ZSWIM5: variants seen among roughly 807,000 people sequenced by gnomAD.
ZSWIM5 encodes zinc finger SWIM domain-containing protein 5.
A neutral mutation model predicts 119.6 loss-of-function variants in ZSWIM5; 55 were observed. That is an observed-to-expected ratio of 0.46 (90% CI 0.37 to 0.58). ZSWIM5 has a LOEUF of 0.58. Among genes scored for constraint, ZSWIM5 ranks in the 20% least tolerant of loss-of-function variants. The pLI, the probability that ZSWIM5 is intolerant of heterozygous loss-of-function variation, is 0.00. For missense variants in ZSWIM5, 1,193 were observed against 1,512.8 expected (o/e 0.79, Z 3.51); for synonymous variants, 537 against 606.9 (o/e 0.88, Z 1.69).
At chr1:45,160,989 A>ATTTTGTTTTTTTTTTTTT (rs1645860556) in intron 1 of ZSWIM5, among the ~76,000 whole-genome samples, 1 of 122,670 alleles carries the variant, frequency 8.2e-6, no homozygotes, top group African/African-American at 3.0e-5. Flanking sequence ...GCCCGGCTAA[A>ATTTTGTTTTTTTTTTTTT]TTTTTTTTTT....
At position 45,195,049 on chromosome 1, in the gene ZSWIM5, T is replaced by C. The variant is rs112149545; in HGVS notation, c.595+10707A>G. Among the ~76,000 whole-genome samples the C allele has an allele frequency of 9.5e-3, 1,453 of 152,286 alleles. 27 individuals are homozygous for C. Among genetic ancestry groups the C allele is most frequent in the African/African-American group, 0.033 (1,392 of 41,558 alleles). On this transcript the variant is annotated intron_variant, in intron 1 of 13. Coordinates refer to ENST00000359600, the MANE Select transcript of ZSWIM5 (RefSeq NM_020883.2). ...AATCACTTCCTACTCTCTTCCCCCA[T>C]AGTAACTTCTTCTATTATTACAGAA...
intron 1 of ZSWIM5, among the ~76,000 whole-genome samples, chr1:45,168,127 T>A (rs1018836703): frequency 6.6e-6 from 1 of 152,068 alleles, no homozygotes; most frequent in Non-Finnish European, 1.5e-5. Context: ...ATATACAGCA[T>A]GGAATACTAT....
intron 1 of ZSWIM5, among the ~76,000 whole-genome samples, chr1:45,150,751 G>A (rs1645792108): frequency 6.6e-6 from 1 of 152,032 alleles, no homozygotes; most frequent in Non-Finnish European, 1.5e-5. Flanking sequence ...AGTTTCTTGA[G>A]AGCAGCGAGA....
In ZSWIM5 at chr1:45,043,207, G is replaced by A. The variant is rs767348745; in HGVS notation, c.1609+12C>T. ...GGTGGCTCTAAAGTTCTTAGAGGAGGGCTAGACTTACCAAGCCACAGTGGC... is the reference window on the plus strand; with the variant it reads ...GGTGGCTCTAAAGTTCTTAGAGGAGAGCTAGACTTACCAAGCCACAGTGGC... On this transcript the variant is annotated intron_variant, in intron 6 of 13. Coordinates refer to ENST00000359600, the MANE Select transcript of ZSWIM5 (RefSeq NM_020883.2). 1 of 1,612,638 alleles carries A rather than the reference G, an allele frequency of 6.2e-7. No homozygotes were observed. The highest frequency in any genetic ancestry group is 8.5e-7 in the Non-Finnish European group (1 of 1,179,822).
At chr1:45,068,108 T>TA (rs1645196981) in intron 2 of ZSWIM5, among the ~76,000 whole-genome samples, 1 of 4,888 alleles carries the variant, frequency 2.0e-4, no homozygotes, top group South Asian at 0.021. Flanking sequence ...TTTTTTTTTC[T>TA]TTTTTTTTTT....
chr1:45,098,752 A>G (rs1053971487), intron 1 of ZSWIM5, among the ~76,000 whole-genome samples: 1 of 152,206 alleles, frequency 6.6e-6, no homozygotes, highest in Non-Finnish European at 1.5e-5. Context: ...ACTCACTCAA[A>G]ACCGCACAAC....
chr1:45,034,919 C>T (rs1644973889), intron 10 of ZSWIM5, among the ~76,000 whole-genome samples: 1 of 152,076 alleles, frequency 6.6e-6, no homozygotes, highest in South Asian at 2.1e-4. Flanking sequence ...GTAGCTGGGA[C>T]TTCAGGTGTG....
intron 1 of ZSWIM5, among the ~76,000 whole-genome samples, chr1:45,096,983 G>A (rs935831365): frequency 6.6e-6 from 1 of 152,172 alleles, no homozygotes; most frequent in Non-Finnish European, 1.5e-5. Context: ...ATTTAAAAAT[G>A]TATCAAAATG....
intron 1 of ZSWIM5, among the ~76,000 whole-genome samples, chr1:45,178,980 T>C (rs573591514): frequency 6.6e-6 from 1 of 152,016 alleles, no homozygotes; most frequent in South Asian, 2.1e-4. Context: ...AAGATCAACA[T>C]ACAAAAATCA....
intron 1 of ZSWIM5, 81 bp downstream of exon 1, chr1:45,205,675 T>C: frequency 1.5e-6 from 2 of 1,357,240 alleles, no homozygotes; most frequent in Non-Finnish European, 1.9e-6. Context: ...GGCCGGGGTC[T>C]CGGCCCCAGG....
rs1284425872 is a variant in ZSWIM5, at chr1:45,038,827, C to G, written c.1894+109G>C. The G allele has an allele frequency of 2.9e-6, 4 of 1,370,436 alleles. No individual in the cohort carries two copies. The African/African-American group carries it at 5.7e-5, about 20-fold the overall frequency. 84.9% of individuals were successfully genotyped at this position (1,370,436 alleles called of 1,614,324 possible). ...CCCAGGCTGGTCTTGAACTCTTGAACTCAAGTAATCCACCCACCTTGGCCT... is the reference window on the plus strand; with the variant it reads ...CCCAGGCTGGTCTTGAACTCTTGAAGTCAAGTAATCCACCCACCTTGGCCT... On this transcript the variant is annotated intron_variant, in intron 8 of 13. Transcript: ENST00000359600.
intron 1 of ZSWIM5, among the ~76,000 whole-genome samples, chr1:45,128,928 T>A (rs1187648017): frequency 6.6e-6 from 1 of 152,178 alleles, no homozygotes; most frequent in Non-Finnish European, 1.5e-5. Flanking sequence ...TTTCACTTAA[T>A]ATGCATTCAA....
chr1:45,018,343 A>G lies in ZSWIM5; in HGVS notation c.*111T>C. 1 of 1,384,250 alleles carries G rather than the reference A, an allele frequency of 7.2e-7. No individual in the cohort carries two copies. The allele number at this position is 1,384,250 out of a possible 1,614,324, so 85.7% of individuals were successfully genotyped here. A position where few individuals can be genotyped will look rare whatever the true frequency, so the allele number is the denominator to read the frequency against. On this transcript the variant is annotated 3_prime_UTR_variant, in exon 14 of 14. Coordinates refer to ENST00000359600, the MANE Select transcript of ZSWIM5 (RefSeq NM_020883.2). This position sits in a 1 kb window ranked among gnomAD's most constrained non-coding sequence, Gnocchi z 6.7. The stretch of plus-strand genomic sequence containing the variant: ...CTTAGCCCTGTGGTCCTTTGGCCTC[A>G]TCCACAGGTGCTCAGAGTTCTCTCA...
intron 1 of ZSWIM5, among the ~76,000 whole-genome samples, chr1:45,134,112 A>C (rs1645675471): frequency 6.6e-6 from 1 of 152,092 alleles, no homozygotes; most frequent in Non-Finnish European, 1.5e-5. Context: ...TTGGTTCCAT[A>C]TGAACTTTAA....
At chr1:45,166,447 T>C (rs923060610) in intron 1 of ZSWIM5, among the ~76,000 whole-genome samples, 1 of 151,996 alleles carries the variant, frequency 6.6e-6, no homozygotes, top group Non-Finnish European at 1.5e-5. Flanking sequence ...CTATTCAACA[T>C]AGTGTTGGAA....
chr1:45,198,948 T>C (rs1646141966), intron 1 of ZSWIM5, among the ~76,000 whole-genome samples: 1 of 152,210 alleles, frequency 6.6e-6, no homozygotes, highest in African/African-American at 2.4e-5. Flanking sequence ...TACACTTTCA[T>C]TTATCTCAGG....
intron 1 of ZSWIM5, among the ~76,000 whole-genome samples, chr1:45,109,553 G>A (rs746829272): frequency 6.6e-5 from 10 of 152,014 alleles, no homozygotes; most frequent in African/African-American, 1.9e-4. Flanking sequence ...AGACCAGCCC[G>A]CCCAACATGG....
intron 5 of ZSWIM5, among the ~76,000 whole-genome samples, chr1:45,044,071 T>C (rs925619432): frequency 4.0e-5 from 6 of 151,804 alleles, no homozygotes; most frequent in Admixed American, 1.3e-4. Context: ...ATGCCTGTAG[T>C]CCTAGCTACT....
chr1:45,108,628 A>G (rs190412647), intron 1 of ZSWIM5, among the ~76,000 whole-genome samples: 4 of 151,786 alleles, frequency 2.6e-5, no homozygotes, highest in African/African-American at 9.6e-5. Context: ...TTATATTTAA[A>G]TGTGTTTTAT....
Sources: gnomAD v4.1 joint callset for allele counts (sites outside exome capture counted in the v4.1 genomes callset) on GRCh38, gnomAD v4.1.1 for gene constraint, Gnocchi (gnomAD v3.1) non-coding constraint, MANE v1.5 for transcripts, NCBI Gene and HGNC (gene_info 2026-07-23, HGNC 2026-07-21) for gene names.